SHISA9: variants seen among roughly 807,000 people sequenced by gnomAD.
SHISA9 encodes protein shisa-9.
SHISA9 carries 13 observed loss-of-function variants against 38.0 expected under a neutral mutation model. The observed-to-expected ratio is 0.34, with a 90% CI of 0.22 to 0.54. The LOEUF is 0.54. SHISA9 is among the 20% of genes least tolerant of loss of function. The probability of loss-of-function intolerance (pLI) is 0.91; values close to 1 mark genes in which losing one functional copy is unlikely to be tolerated. For synonymous variants in SHISA9, 275 were observed against 242.0 expected (o/e 1.14, Z -1.27); for missense variants, 538 against 575.8 (o/e 0.93, Z 0.67).
intron 2 of SHISA9, among the ~76,000 whole-genome samples, chr16:12,986,483 G>T (rs2072311304): frequency 6.6e-6 from 1 of 152,216 alleles, no homozygotes; most frequent in South Asian, 2.1e-4. Context: ...TGTCCATCTT[G>T]ATTCTCAAGA....
chr16:13,348,856 C>T, the SHISA9 span, among the ~76,000 whole-genome samples: 2 of 151,972 alleles, frequency 1.3e-5, no homozygotes, highest in African/African-American at 4.8e-5. Context: ...ACAGAGTTCC[C>T]TCATTTGTAT....
the SHISA9 span, among the ~76,000 whole-genome samples, chr16:13,323,653 G>A: frequency 2.6e-5 from 4 of 152,162 alleles, no homozygotes; most frequent in African/African-American, 7.2e-5. Flanking sequence ...TACAATCATG[G>A]TGGAAGGCAA....
At chr16:13,209,378 TAAAAC>T (rs1207712142) in intron 3 of SHISA9, among the ~76,000 whole-genome samples, 1 of 152,150 alleles carries the variant, frequency 6.6e-6, no homozygotes, top group African/African-American at 2.4e-5. Flanking sequence ...AGGGATCTGA[TAAAAC>T]AAGCAGGCAA....
At chr16:12,963,543 A>C (rs1405461705) in intron 2 of SHISA9, among the ~76,000 whole-genome samples, 2 of 152,224 alleles carry the variant, frequency 1.3e-5, no homozygotes, top group Non-Finnish European at 2.9e-5. Flanking sequence ...ACATTCATCA[A>C]ATCCTTATTA....
intron 2 of SHISA9, among the ~76,000 whole-genome samples, chr16:12,925,445 G>GTGTT (rs10643004): frequency 0.36 from 38,574 of 108,480 alleles, 5,598 homozygotes; most frequent in Middle Eastern, 0.42. Context: ...TTGTGTGTGT[G>GTGTT]TATGTGTGTG....
At chr16:13,138,785 A>C (rs962596049) in intron 2 of SHISA9, among the ~76,000 whole-genome samples, 1 of 152,194 alleles carries the variant, frequency 6.6e-6, no homozygotes, top group African/African-American at 2.4e-5. Context: ...TGAGCATGTT[A>C]TGAGGATTCC....
the SHISA9 span, among the ~76,000 whole-genome samples, chr16:13,352,333 A>G: frequency 6.6e-6 from 1 of 152,220 alleles, no homozygotes; most frequent in African/African-American, 2.4e-5. Flanking sequence ...TTTTGTTATG[A>G]CATTAAATGA....
chr16:13,498,841 G>A, the SHISA9 span, among the ~76,000 whole-genome samples: 1 of 152,298 alleles, frequency 6.6e-6, no homozygotes, highest in African/African-American at 2.4e-5. Context: ...ACATCCACCA[G>A]GGTATTACTC....
At chr16:13,172,600 C>T (rs1276640974) in intron 2 of SHISA9, among the ~76,000 whole-genome samples, 4 of 152,162 alleles carry the variant, frequency 2.6e-5, no homozygotes, top group Non-Finnish European at 5.9e-5. Context: ...AACACCATTT[C>T]ACCATCACCT....
chr16:13,163,238 TG>T (rs1414167935), intron 2 of SHISA9, among the ~76,000 whole-genome samples: 1 of 152,160 alleles, frequency 6.6e-6, no homozygotes, highest in Non-Finnish European at 1.5e-5. Flanking sequence ...AGGCCCAGGT[TG>T]GGGGACAAGA....
intron 2 of SHISA9, among the ~76,000 whole-genome samples, chr16:12,965,624 A>T (rs2071967368): frequency 6.6e-6 from 1 of 152,170 alleles, no homozygotes; most frequent in Non-Finnish European, 1.5e-5. Flanking sequence ...CTGCTTTTTC[A>T]GGGAGAGACA....
At chr16:13,410,162 T>G in the SHISA9 span, among the ~76,000 whole-genome samples, 1 of 152,216 alleles carries the variant, frequency 6.6e-6, no homozygotes, top group Non-Finnish European at 1.5e-5. Flanking sequence ...CTATTCTGGG[T>G]GAACAAAGCT....
chr16:12,933,747 A>G (rs1256759464), intron 2 of SHISA9, among the ~76,000 whole-genome samples: 1 of 152,196 alleles, frequency 6.6e-6, no homozygotes, highest in East Asian at 1.9e-4. Context: ...AATGACTTCC[A>G]TAGTACACAT....
At chr16:13,541,843 CAA>C in the SHISA9 span, among the ~76,000 whole-genome samples, 3 of 152,156 alleles carry the variant, frequency 2.0e-5, no homozygotes, top group Admixed American at 6.5e-5. Context: ...GAATAAAGGA[CAA>C]GAGGATATTC....
At chr16:12,920,334 A>G (rs1396715237) in intron 2 of SHISA9, among the ~76,000 whole-genome samples, 4 of 152,020 alleles carry the variant, frequency 2.6e-5, no homozygotes, top group Non-Finnish European at 5.9e-5. Context: ...ATATAAAAGA[A>G]ATACAGTTTT....
At chr16:13,360,220 T>C in the SHISA9 span, among the ~76,000 whole-genome samples, 3 of 152,220 alleles carry the variant, frequency 2.0e-5, no homozygotes, top group African/African-American at 2.4e-5. Flanking sequence ...CTCAGAGAAC[T>C]GTCCTGCACC....
chr16:13,368,985 T>C, the SHISA9 span, among the ~76,000 whole-genome samples: 2 of 152,186 alleles, frequency 1.3e-5, no homozygotes, highest in Non-Finnish European at 2.9e-5. Context: ...TTGGAAATAT[T>C]TGAAATGTGA....
intron 3 of SHISA9, among the ~76,000 whole-genome samples, chr16:13,207,744 A>G (rs116365858): frequency 0.015 from 2,244 of 152,304 alleles, 51 homozygotes; most frequent in African/African-American, 0.049. Context: ...CTGCACATAT[A>G]AAATGCAAAT....
At chr16:13,203,736 T>C (rs1040018937) in intron 3 of SHISA9, among the ~76,000 whole-genome samples, 187 bp downstream of exon 3, 1 of 152,178 alleles carries the variant, frequency 6.6e-6, no homozygotes, top group African/African-American at 2.4e-5. Flanking sequence ...TGTATATCTA[T>C]ATATCTATCT....
Sources: allele counts gnomAD v4.1 joint callset (sites outside exome capture counted in the v4.1 genomes callset), GRCh38; gene constraint gnomAD v4.1.1; transcripts MANE v1.5; gene names NCBI Gene and HGNC (gene_info 2026-07-23, HGNC 2026-07-21).